Variants in LIMCH1 observed in about 807,000 individuals in gnomAD.
The protein encoded by LIMCH1 is LIM and calponin homology domains 1.
A neutral mutation model predicts 176.5 loss-of-function variants in LIMCH1; 113 were observed. The ratio of observed to expected loss-of-function variants is 0.64; its 90% CI spans 0.55 to 0.75. LIMCH1 has a LOEUF of 0.75. Ranked by LOEUF, LIMCH1 falls within the 30% of genes least tolerant of loss-of-function variation. The probability of loss-of-function intolerance (pLI) is 0.00; values close to 1 mark genes in which losing one functional copy is unlikely to be tolerated. For missense variants in LIMCH1, 1,674 were observed against 1,814.9 expected (o/e 0.92, Z 1.41); for synonymous variants, 619 against 645.9 (o/e 0.96, Z 0.63).
intron 1 of LIMCH1, among the ~76,000 whole-genome samples, chr4:41,426,026 T>G (rs1446441953): frequency 1.4e-5 from 2 of 145,308 alleles, no homozygotes; most frequent in Non-Finnish European, 3.0e-5. Flanking sequence ...TCTTTTTTTT[T>G]TTTTTTTTTT....
At chr4:41,608,755 G>C (rs2091052562) in intron 4 of LIMCH1, among the ~76,000 whole-genome samples, 1 of 152,112 alleles carries the variant, frequency 6.6e-6, no homozygotes, top group Admixed American at 6.6e-5. Flanking sequence ...CCTTCCAAAG[G>C]AAGTGGCACT....
At chr4:41,548,124 T>C (rs2079859266) in intron 1 of LIMCH1, among the ~76,000 whole-genome samples, 1 of 151,848 alleles carries the variant, frequency 6.6e-6, no homozygotes, top group Non-Finnish European at 1.5e-5. Flanking sequence ...TGAATGATGA[T>C]GTATACTTCT....
chr4:41,650,709 A>G lies in LIMCH1; in HGVS notation c.3036+101A>G, dbSNP rs186022661. ...GTCATGATAATGACCATTTCTTTCTATGTTGGCGTATTAGTTTGCTAGGGC... is the reference window on the plus strand; with the variant it reads ...GTCATGATAATGACCATTTCTTTCTGTGTTGGCGTATTAGTTTGCTAGGGC... On this transcript the variant is annotated intron_variant, in intron 18 of 31. Transcript: ENST00000503057. The G allele has an allele frequency of 1.2e-5, 12 of 1,001,338 alleles. No individual in the cohort carries two copies. In the Admixed American group the frequency reaches 1.8e-4, roughly 15 times the overall value. 62.0% of individuals were successfully genotyped at this position (1,001,338 alleles called of 1,614,324 possible).
intron 1 of LIMCH1, among the ~76,000 whole-genome samples, chr4:41,406,195 A>G (rs1333192607): frequency 2.6e-5 from 4 of 152,224 alleles, no homozygotes; most frequent in Admixed American, 2.6e-4. Flanking sequence ...GCCTTGAAGA[A>G]ACATAATTAA....
chr4:41,547,853 TTG>T (rs1280178003), intron 1 of LIMCH1, among the ~76,000 whole-genome samples: 2,628 of 102,560 alleles, frequency 0.026, 64 homozygotes, highest in African/African-American at 0.054. Context: ...GATATATAAT[TTG>T]TGTGTGTGTA....
intron 7 of LIMCH1, among the ~76,000 whole-genome samples, chr4:41,624,215 TG>T (rs1479701291): frequency 6.6e-6 from 1 of 152,194 alleles, no homozygotes; most frequent in African/African-American, 2.4e-5. Flanking sequence ...TGTTTTCATA[TG>T]TTTCAGCACT....
chr4:41,383,641 A>G (rs768995707), intron 1 of LIMCH1, among the ~76,000 whole-genome samples: 11 of 152,302 alleles, frequency 7.2e-5, no homozygotes, highest in South Asian at 2.1e-4. Context: ...CGCTTTTAAT[A>G]GTAGAGGGAA....
At chr4:41,555,397 C>T (rs535590138) in intron 1 of LIMCH1, among the ~76,000 whole-genome samples, 22 of 152,288 alleles carry the variant, frequency 1.4e-4, no homozygotes, top group African/African-American at 5.1e-4. Flanking sequence ...TAGTTGACCG[C>T]CTTCCATTGG....
chr4:41,401,578 G>T (rs1405031801), intron 1 of LIMCH1, among the ~76,000 whole-genome samples: 1 of 152,016 alleles, frequency 6.6e-6, no homozygotes, highest in Non-Finnish European at 1.5e-5. Flanking sequence ...GAAAGTCATT[G>T]GTAGCTTGAT....
At chr4:41,377,573 T>C (rs10031001) in intron 1 of LIMCH1, among the ~76,000 whole-genome samples, 3,929 of 152,304 alleles carry the variant, frequency 0.026, 180 homozygotes, top group African/African-American at 0.089. Context: ...GTTTGAGAGA[T>C]GGGCATTGGG....
intron 2 of LIMCH1, among the ~76,000 whole-genome samples, chr4:41,602,306 G>T (rs990164657): frequency 2.6e-5 from 4 of 152,016 alleles, no homozygotes; most frequent in Non-Finnish European, 5.9e-5. Context: ...CGAAATGTAC[G>T]CAGGCTCTGG....
chr4:41,661,553 C>G (rs201107588), intron 19 of LIMCH1, 43 bp downstream of exon 19: 1 of 1,317,256 alleles, frequency 7.6e-7, no homozygotes, highest in Non-Finnish European at 1.1e-6. Flanking sequence ...ATCATGGTAA[C>G]TGTTTAAGAT....
chr4:41,373,026 T>C (rs977433196), intron 1 of LIMCH1, among the ~76,000 whole-genome samples: 1 of 152,186 alleles, frequency 6.6e-6, no homozygotes, highest in African/African-American at 2.4e-5. Context: ...CTCAGTAGTA[T>C]GAGAGACAAA....
chr4:41,585,853 A>G (rs1178117106), intron 1 of LIMCH1, among the ~76,000 whole-genome samples: 1 of 152,214 alleles, frequency 6.6e-6, no homozygotes, highest in African/African-American at 2.4e-5. Context: ...AGTTCAGCAC[A>G]ATATATGACT....
chr4:41,555,549 T>A (rs113448417), intron 1 of LIMCH1, among the ~76,000 whole-genome samples: 1 of 152,158 alleles, frequency 6.6e-6, no homozygotes, highest in East Asian at 1.9e-4. Context: ...GTTCTTTCAT[T>A]CATTCAACAA....
chr4:41,578,276 C>G (rs1438713495), intron 1 of LIMCH1, among the ~76,000 whole-genome samples: 1 of 152,172 alleles, frequency 6.6e-6, no homozygotes, highest in South Asian at 2.1e-4. Context: ...GCACCAGACA[C>G]TTATCAAACA....
At chr4:41,544,991 T>C (rs1561694745) in intron 1 of LIMCH1, among the ~76,000 whole-genome samples, 1 of 152,226 alleles carries the variant, frequency 6.6e-6, no homozygotes, top group African/African-American at 2.4e-5. Flanking sequence ...CCTGTTTCCA[T>C]TCTGAAAGGA....
At chr4:41,547,418 T>C (rs1445771240) in intron 1 of LIMCH1, among the ~76,000 whole-genome samples, 7 of 152,018 alleles carry the variant, frequency 4.6e-5, no homozygotes, top group Non-Finnish European at 1.0e-4. Context: ...GGTATCTGTC[T>C]TCCTGTGCTT....
chr4:41,426,114 C>CG lies in LIMCH1; in HGVS notation c.96+65181dup, dbSNP rs2061071047. 2.7e-5 allele frequency among the ~76,000 whole-genome samples: 4 copies of CG among 149,100 alleles called. No homozygotes were observed. The South Asian group carries it at 8.5e-4, about 32-fold the overall frequency. On this transcript the variant is annotated intron_variant, in intron 1 of 26. Transcript: ENST00000313860. ...TCGGCTCACTGCAAGTTCCGCCTCC[C>CG]GGGTTCACGCCATTCTCCTGCCTCA...
Sources: gnomAD v4.1 joint callset for allele counts (sites outside exome capture counted in the v4.1 genomes callset) on GRCh38, gnomAD v4.1.1 for gene constraint, MANE v1.5 for transcripts, NCBI Gene and HGNC (gene_info 2026-07-23, HGNC 2026-07-21) for gene names.